The following CACHD1 variants were observed in gnomAD, a reference collection of about 807,000 sequenced individuals.
CACHD1 encodes the protein VWFA and cache domain-containing protein 1.
CACHD1 carries 71 observed loss-of-function variants against 138.7 expected under a neutral mutation model. The observed-to-expected ratio is 0.51, with a 90% CI of 0.42 to 0.62. CACHD1 has a LOEUF of 0.62. Ranked by LOEUF, CACHD1 falls within the 20% of genes least tolerant of loss-of-function variation. CACHD1 has a pLI of 0.00. For synonymous variants in CACHD1, 578 were observed against 591.5 expected, an observed-to-expected ratio of 0.98 and a Z score of 0.33; for missense variants, 1,389 against 1,625.3, an observed-to-expected ratio of 0.85 and a Z score of 2.50.
intron 2 of CACHD1, among the ~76,000 whole-genome samples, chr1:64,568,419 C>T (rs937568323): frequency 3.9e-5 from 6 of 152,058 alleles, no homozygotes; most frequent in Non-Finnish European, 2.9e-5. Context: ...TCAGAACTCC[C>T]GGATCTCTCT....
In CACHD1 at chr1:64,676,970, C is replaced by T. The variant is rs1650013769; in HGVS notation, c.3051C>T (p.His1017=). ...ACCCTGGCCTGCAAGATGCTCTTCA[C>T]CAGTGTGTCAACAGCAGGTGCAGTC... ...AIDPGLQDAL[H]QCVNSRCSQR... The change falls in exon 22 of 27, where the codon CAC becomes CAT. Residue 1017 remains histidine, a synonymous_variant. Transcript: ENST00000651257. The T allele has an allele frequency of 6.2e-7, 1 of 1,613,924 alleles. No homozygotes were observed. The highest frequency in any genetic ancestry group is 1.1e-5 in the South Asian group (1 of 91,042).
intron 2 of CACHD1, among the ~76,000 whole-genome samples, chr1:64,560,058 A>G (rs114174519): frequency 2.5e-3 from 381 of 152,356 alleles, no homozygotes; most frequent in African/African-American, 8.8e-3. Flanking sequence ...AGCCAAGTCA[A>G]TAAAACCAAA....
intron 2 of CACHD1, among the ~76,000 whole-genome samples, chr1:64,568,886 A>G (rs1014670542): frequency 6.6e-6 from 1 of 152,010 alleles, no homozygotes; most frequent in Non-Finnish European, 1.5e-5. Flanking sequence ...CCAGGCACAT[A>G]TTTACTCTTT....
At chr1:64,602,997 T>A (rs1410472649) in intron 4 of CACHD1, 85 bp downstream of exon 4, 8 of 884,886 alleles carry the variant, frequency 9.0e-6, no homozygotes, top group South Asian at 1.5e-5. Flanking sequence ...TTTTTTTTTT[T>A]AATTTTTGAA....
At chr1:64,627,880 T>G (rs1237324204) in intron 4 of CACHD1, among the ~76,000 whole-genome samples, 1 of 152,134 alleles carries the variant, frequency 6.6e-6, no homozygotes, top group Non-Finnish European at 1.5e-5. Context: ...AGTTCTTCAT[T>G]GCATGGACCT....
chr1:64,529,671 G>A (rs951718629), intron 1 of CACHD1, among the ~76,000 whole-genome samples: 2 of 152,186 alleles, frequency 1.3e-5, no homozygotes, highest in Non-Finnish European at 2.9e-5. Flanking sequence ...TAGGGCTTAG[G>A]TAATGTGCCC....
chr1:64,619,240 A>G (rs1203086626), intron 4 of CACHD1, among the ~76,000 whole-genome samples: 4 of 152,120 alleles, frequency 2.6e-5, no homozygotes, highest in East Asian at 3.9e-4. Context: ...TTAGTATACT[A>G]TATGCTGGAG....
intron 1 of CACHD1, among the ~76,000 whole-genome samples, chr1:64,488,387 G>C (rs1422257496): frequency 3.3e-5 from 5 of 152,048 alleles, no homozygotes; most frequent in African/African-American, 1.2e-4. Flanking sequence ...ATGTAACCTG[G>C]TAAATTTCTT....
rs1650104070 is a variant in CACHD1 at position 64,679,609 on chromosome 1, A to G, written c.3259A>G (p.Thr1087Ala). The G allele has an allele frequency of 1.3e-5, 21 of 1,614,048 alleles. No homozygotes were observed. Among genetic ancestry groups the G allele is most frequent in the Non-Finnish European group, 1.8e-5 (21 of 1,179,958 alleles). The change falls in exon 24 of 27, where the codon ACA becomes GCA. Residue 1087 changes from threonine to alanine, a missense_variant. By Grantham distance (58) the Thr-to-Ala change is moderately conservative. Transcript: ENST00000651257. ...DMGAIGDEVI[T>A]LNMIKSAPVG... ...TTTCACTGAAGGTGATGAGGTGATC[A>G]CATTAAACATGATTAAAAGCGCCCC...
At chr1:64,664,734 A>G in intron 15 of CACHD1, 55 bp downstream of exon 15, 3 of 1,542,038 alleles carry the variant, frequency 1.9e-6, no homozygotes, top group South Asian at 1.2e-5. Flanking sequence ...CTGGAGAGAC[A>G]TGGTAAGTAC....
chr1:64,632,676 A>G lies in CACHD1; in HGVS notation c.722A>G (p.Asp241Gly). The G allele has an allele frequency of 6.2e-7, 1 of 1,614,132 alleles. No individual in the cohort carries two copies. The highest frequency in any genetic ancestry group is 8.5e-7 in the Non-Finnish European group (1 of 1,180,004). Residue 241 changes from aspartate to glycine, a missense_variant, in exon 6 of 27, where the codon GAC (aspartate) becomes GGC (glycine). Coordinates refer to ENST00000651257, the MANE Select transcript of CACHD1 (RefSeq NM_020925.4). ...CTGGACCACGGGGCTTCAGTCACAG[A>G]CACTCAGCTTCAGATTGCCAAGGAC... ...VILDHGASVT[D>G]TQLQIAKDAA...
chr1:64,602,365 C>G (rs186069999), intron 3 of CACHD1, among the ~76,000 whole-genome samples: 144 of 152,236 alleles, frequency 9.5e-4, no homozygotes, highest in Middle Eastern at 3.4e-3. Context: ...CTACTCCACA[C>G]CCATTCAACC....
At chr1:64,520,892 G>A (rs1459590085) in intron 1 of CACHD1, among the ~76,000 whole-genome samples, 1 of 152,156 alleles carries the variant, frequency 6.6e-6, no homozygotes, top group Non-Finnish European at 1.5e-5. Flanking sequence ...GAGACATGCA[G>A]TGGGAATCTT....
rs1308304833 is a variant in CACHD1 at position 64,477,628 on chromosome 1, TA to T, written c.198+6687del. 8.6e-3 allele frequency among the ~76,000 whole-genome samples: 1,245 copies of T among 144,292 alleles called. 15 individuals carry two copies. Among genetic ancestry groups the T allele is most frequent in the African/African-American group, 0.018 (694 of 38,174 alleles). The allele number at this position is 144,292 out of a possible 152,430, so 94.7% of individuals were successfully genotyped here. A position where few individuals can be genotyped will look rare whatever the true frequency, so the allele number is the denominator to read the frequency against. On this transcript the variant is annotated intron_variant, in intron 1 of 26. Coordinates refer to ENST00000651257, the MANE Select transcript of CACHD1 (RefSeq NM_020925.4). Reference sequence around the variant, plus strand: ...ATTATTATTATTATTATTATTATTTTATTTTATTTTTTTTTTTGAGACGGAG... The same window carrying T: ...ATTATTATTATTATTATTATTATTTTTTTTATTTTTTTTTTTGAGACGGAG...
chr1:64,556,974 C>A (rs1252610014), intron 2 of CACHD1, among the ~76,000 whole-genome samples: 1 of 152,088 alleles, frequency 6.6e-6, no homozygotes, highest in African/African-American at 2.4e-5. Flanking sequence ...AAAAAATTAG[C>A]CGGGCGTGGT....
In CACHD1 at chr1:64,651,127, C is replaced by T. The variant is rs55790684; in HGVS notation, c.1391-1034C>T. ...TTTTTAATGGCCTGTTACCTAAGTACGGTCTTTATATTTTGAAAAGGTTAT... is the reference window on the plus strand; with the variant it reads ...TTTTTAATGGCCTGTTACCTAAGTATGGTCTTTATATTTTGAAAAGGTTAT... On this transcript the variant is annotated intron_variant, in intron 9 of 26. Coordinates refer to ENST00000651257, the MANE Select transcript of CACHD1 (RefSeq NM_020925.4). Among the ~76,000 whole-genome samples, 858 of 152,080 alleles carry T rather than the reference C, an allele frequency of 5.6e-3. 1 individual carries two copies. The highest frequency in any genetic ancestry group is 9.5e-3 in the Non-Finnish European group (649 of 68,010).
chr1:64,614,001 T>G (rs1647619798), intron 4 of CACHD1, among the ~76,000 whole-genome samples: 1 of 152,200 alleles, frequency 6.6e-6, no homozygotes. Context: ...CCAGTCTGGG[T>G]TCCCTGTCAT....
At chr1:64,537,785 T>TGCATTGAGCC (rs1646645198) in intron 1 of CACHD1, among the ~76,000 whole-genome samples, 1 of 152,176 alleles carries the variant, frequency 6.6e-6, no homozygotes, top group Non-Finnish European at 1.5e-5. Flanking sequence ...GTGCTATACT[T>TGCATTGAGCC]TCATTGAGCC....
At chr1:64,641,615 A>G (rs1408388091) in intron 7 of CACHD1, among the ~76,000 whole-genome samples, 1 of 152,168 alleles carries the variant, frequency 6.6e-6, no homozygotes, top group Non-Finnish European at 1.5e-5. Flanking sequence ...TGCTGCATAA[A>G]TGTGGCCTCA....
Sources: allele counts gnomAD v4.1 joint callset (sites outside exome capture counted in the v4.1 genomes callset), GRCh38; gene constraint gnomAD v4.1.1; transcripts MANE v1.5; gene names NCBI Gene and HGNC (gene_info 2026-07-23, HGNC 2026-07-21).